CRISP1: variants seen among roughly 807,000 people sequenced by gnomAD.
CRISP1 encodes the protein cysteine-rich secretory protein 1.
A neutral mutation model predicts 33.1 loss-of-function variants in CRISP1; 44 were observed. That is an observed-to-expected ratio of 1.33 (90% CI 1.05 to 1.71). CRISP1 has a LOEUF of 1.71. CRISP1 is among the 40% of genes most tolerant of loss of function. The pLI, the probability that CRISP1 is intolerant of heterozygous loss-of-function variation, is 0.00. For synonymous variants in CRISP1, 103 were observed against 98.7 expected (o/e 1.04, Z -0.26); for missense variants, 390 against 301.2 (o/e 1.29, Z -2.18).
chr6:49,835,402 T>A lies in CRISP1; in HGVS notation c.664A>T (p.Ile222Leu), dbSNP rs1250511412. 5.0e-6 allele frequency: 8 copies of A among 1,613,702 alleles called. No individual in the cohort carries two copies. Among genetic ancestry groups the A allele is most frequent in the Admixed American group, 1.7e-5 (1 of 60,024 alleles). The change falls in exon 8 of 8, where the codon ATA becomes TTA. Residue 222 changes from isoleucine to leucine, a missense_variant. Physicochemically the swap from Ile to Leu is conservative, Grantham distance 5 (BLOSUM62 2). Coordinates refer to ENST00000335847, the MANE Select transcript of CRISP1 (RefSeq NM_001131.3). ...TTGCATCCCAGATAATGGACTTGTA[T>A]GTCACAGTCGAAGTATTCATCATAG... is the stretch of plus-strand genomic sequence containing the variant. ...IYYDEYFDCD[I>L]QVHYLGCNHS... is the part of the protein sequence containing the mutation.
chr6:49,870,422 C>T (rs1240725747), upstream of CRISP1, among the ~76,000 whole-genome samples: 2 of 144,136 alleles, frequency 1.4e-5, no homozygotes, highest in Admixed American at 7.1e-5. Flanking sequence ...TGAGAGAAAG[C>T]AGGAGTTATT....
intron 6 of CRISP1, among the ~76,000 whole-genome samples, chr6:49,838,918 A>T (rs2127468807): frequency 6.6e-6 from 1 of 152,284 alleles, no homozygotes; most frequent in Middle Eastern, 3.4e-3. Flanking sequence ...AAAGGGCATG[A>T]TTCTTACCAA....
At position 49,834,742 on chromosome 6, in the gene CRISP1, G is replaced by C. The variant is rs985469516; in HGVS notation, c.*574C>G. The C allele has an allele frequency of 5.9e-5, 9 of 151,978 alleles. No individual in the cohort carries two copies. Among genetic ancestry groups the C allele is most frequent in the African/African-American group, 1.7e-4 (7 of 41,338 alleles). The allele number at this position is 151,978 out of a possible 1,614,324, so 9.4% of individuals were successfully genotyped here. A position where few individuals can be genotyped will look rare whatever the true frequency, so the allele number is the denominator to read the frequency against. ...TTTTGTTAAATTAATGGCATACGAA[G>C]CTTTTTTATTGTTTCTTGCTTCACA... On this transcript the variant is annotated 3_prime_UTR_variant, in exon 8 of 8. Transcript: ENST00000335847.
In CRISP1 at chr6:49,840,977, A is replaced by T; in HGVS notation, c.454T>A (p.Tyr152Asn). The change falls in exon 6 of 8, where the codon TAC becomes AAC. Residue 152 changes from tyrosine to asparagine, a missense_variant. Coordinates refer to ENST00000335847, the MANE Select transcript of CRISP1 (RefSeq NM_001131.3). ...GATGCAATGGCACAGCCAATCAGGT[A>T]AGATGTGGCCCAAACAATCTGCAAT... ...HYTQIVWATS[Y>N]LIGCAIASCR... The T allele has an allele frequency of 6.2e-7, 1 of 1,613,842 alleles. No individual in the cohort carries two copies. Among genetic ancestry groups the T allele is most frequent in the Non-Finnish European group, 8.5e-7 (1 of 1,179,790 alleles).
chr6:49,847,423 C>T (rs1382498571), intron 4 of CRISP1, among the ~76,000 whole-genome samples: 1 of 152,052 alleles, frequency 6.6e-6, no homozygotes, highest in Non-Finnish European at 1.5e-5. Context: ...AGTGAGTTCT[C>T]ATGAGATCTG....
At position 49,856,058 on chromosome 6, in the gene CRISP1, A is replaced by C. The variant is rs933223652; in HGVS notation, c.66+1277T>G. On this transcript the variant is annotated intron_variant, in intron 2 of 7. Coordinates refer to ENST00000335847, the MANE Select transcript of CRISP1 (RefSeq NM_001131.3). Reference sequence around the variant, plus strand: ...TTATAGAGCATCAACCTATTGTTTTATCAATGCCTTCTACTTTTTCTTTTG... The same window carrying C: ...TTATAGAGCATCAACCTATTGTTTTCTCAATGCCTTCTACTTTTTCTTTTG... Among the ~76,000 whole-genome samples the C allele has an allele frequency of 3.9e-5, 6 of 152,322 alleles. No individual in the cohort carries two copies. The East Asian group carries it at 9.6e-4, about 24-fold the overall frequency.
At chr6:49,843,785 G>A in intron 5 of CRISP1, among the ~76,000 whole-genome samples, 1 of 152,078 alleles carries the variant, frequency 6.6e-6, no homozygotes, top group East Asian at 1.9e-4. Context: ...TGCCTTGAGG[G>A]GAGTGTTGAT....
intron 2 of CRISP1, among the ~76,000 whole-genome samples, chr6:49,855,283 G>A (rs142128611): frequency 1.3e-5 from 2 of 152,130 alleles, no homozygotes; most frequent in East Asian, 3.9e-4. Context: ...TCATCATTCG[G>A]AGTAAAAATT....
intron 7 of CRISP1, among the ~76,000 whole-genome samples, chr6:49,836,015 C>T (rs1770777669): frequency 6.6e-6 from 1 of 152,094 alleles, no homozygotes; most frequent in Non-Finnish European, 1.5e-5. Flanking sequence ...GAAATGCACA[C>T]GAAATTCTCC....
chr6:49,860,842 A>G (rs1172906274), intron 1 of CRISP1, among the ~76,000 whole-genome samples: 1 of 152,032 alleles, frequency 6.6e-6, no homozygotes, highest in Non-Finnish European at 1.5e-5. Context: ...GAAAATATAA[A>G]CAAGACCAAT....
intron 1 of CRISP1, among the ~76,000 whole-genome samples, chr6:49,871,727 A>ACT (rs1771928793): frequency 1.3e-5 from 2 of 151,738 alleles, no homozygotes; most frequent in African/African-American, 4.8e-5. Context: ...AAGGACATGA[A>ACT]CTTATCATTT....
chr6:49,850,957 T>C (rs780782), intron 3 of CRISP1, among the ~76,000 whole-genome samples: 151,550 of 152,186 alleles, frequency 1, 75,464 homozygotes, highest in Middle Eastern at 1. Context: ...ACTCAATTTT[T>C]CTTAGGTTCA....
chr6:49,857,345 A>C lies in CRISP1; in HGVS notation c.56T>G (p.Leu19Trp). 1 of 1,612,992 alleles carries C rather than the reference A, an allele frequency of 6.2e-7. No individual in the cohort carries two copies. Among genetic ancestry groups the C allele is most frequent in the Non-Finnish European group, 8.5e-7 (1 of 1,179,236 alleles). ...CCAACCCTCACATACTTTCATGGACAACATAGGCAGTAAGCAAGCAGCAGC... is the reference window on the plus strand; with the variant it reads ...CCAACCCTCACATACTTTCATGGACCACATAGGCAGTAAGCAAGCAGCAGC... ...LVAAACLLPM[L>W]SMKKKSARDQ... The change falls in exon 2 of 8, where the codon TTG (leucine) becomes TGG (tryptophan). Residue 19 changes from leucine (L) to tryptophan (W), a missense_variant. Transcript: ENST00000335847.
chr6:49,864,771 G>A (rs772965155), intron 1 of CRISP1, among the ~76,000 whole-genome samples: 6 of 151,756 alleles, frequency 4.0e-5, no homozygotes, highest in East Asian at 1.9e-4. Flanking sequence ...TTTCTTATTC[G>A]CTTGTATGAA....
chr6:49,835,382 T>A lies in CRISP1; in HGVS notation c.684A>T (p.Gly228=), dbSNP rs377511030. The part of the protein sequence containing the change: ...FDCDIQVHYL[G]CNHSTTILFC... ...ATAGGATAGTTGTTGAGTGGTTGCA[T>A]CCCAGATAATGGACTTGTATGTCAC... Residue 228 remains glycine (G), a synonymous_variant, in exon 8 of 8, where the codon GGA becomes GGT. Transcript: ENST00000335847. The A allele has an allele frequency of 5.5e-5, 88 of 1,613,576 alleles. No individual in the cohort carries two copies. The highest frequency in any genetic ancestry group is 7.0e-5 in the Non-Finnish European group (82 of 1,179,640).
intron 1 of CRISP1, among the ~76,000 whole-genome samples, chr6:49,858,461 C>A (rs1049854487): frequency 1.3e-5 from 2 of 152,256 alleles, no homozygotes; most frequent in African/African-American, 2.4e-5. Flanking sequence ...ACAGGGCAGA[C>A]AATTAATCAT....
chr6:49,847,242 C>A (rs371083143), intron 4 of CRISP1, among the ~76,000 whole-genome samples: 2 of 152,094 alleles, frequency 1.3e-5, no homozygotes, highest in African/African-American at 2.4e-5. Context: ...AAAAAAGATT[C>A]TCATGTTAAA....
intron 5 of CRISP1, among the ~76,000 whole-genome samples, chr6:49,846,297 A>T (rs901977698): frequency 1.3e-5 from 2 of 152,160 alleles, no homozygotes; most frequent in African/African-American, 4.8e-5. Context: ...TGAGTTCCTG[A>T]AAAATCTAGT....
At chr6:49,840,097 C>T (rs1328606142) in intron 6 of CRISP1, among the ~76,000 whole-genome samples, 3 of 152,158 alleles carry the variant, frequency 2.0e-5, no homozygotes, top group East Asian at 3.9e-4. Flanking sequence ...GCGTCACTGA[C>T]TTTTATCAGC....
Sources: allele counts gnomAD v4.1 joint callset (sites outside exome capture counted in the v4.1 genomes callset), GRCh38; gene constraint gnomAD v4.1.1; transcripts MANE v1.5; gene names NCBI Gene and HGNC (gene_info 2026-07-23, HGNC 2026-07-21).